The following SMOX variants were observed in gnomAD, a reference collection of about 807,000 sequenced individuals.
The protein encoded by SMOX is spermine oxidase, also known as flavin containing amine oxidase.
SMOX carries 22 observed loss-of-function variants against 51.0 expected under a neutral mutation model. That is an observed-to-expected ratio of 0.43 (90% CI 0.31 to 0.62). The LOEUF is 0.62. Ranked by LOEUF, SMOX falls within the 20% of genes least tolerant of loss-of-function variation. The pLI is 0.10. For synonymous variants in SMOX, 282 were observed against 307.8 expected, an observed-to-expected ratio of 0.92 and a Z score of 0.88; for missense variants, 566 against 777.7, an observed-to-expected ratio of 0.73 and a Z score of 3.24.
intron 1 of SMOX, among the ~76,000 whole-genome samples, chr20:4,154,750 T>G (rs1985923399): frequency 6.6e-6 from 1 of 151,476 alleles, no homozygotes; most frequent in African/African-American, 2.4e-5. Context: ...TAGACTGGAG[T>G]CTTGAGGGAC....
At position 4,183,917 on chromosome 20, in the gene SMOX, G is replaced by A. The variant is rs929724128; in HGVS notation, c.1530+263G>A. Among the ~76,000 whole-genome samples, 2 of 151,974 alleles carry A rather than the reference G, an allele frequency of 1.3e-5. No homozygotes were observed. Among genetic ancestry groups the A allele is most frequent in the Non-Finnish European group, 1.5e-5 (1 of 68,006 alleles). ...TATTCCATGCTGTGCTGGCCAATAC[G>A]GTAGCTATCAGCCACTTTCAATTTA... On this transcript the variant is annotated intron_variant, in intron 6 of 6. Transcript: ENST00000305958. This position sits in a 1 kb window ranked among gnomAD's most constrained non-coding sequence, Gnocchi z 4.3.
At chr20:4,168,881 C>CTTTATTTTATTTTAT (rs1306934284) in intron 1 of SMOX, among the ~76,000 whole-genome samples, 16 of 144,742 alleles carry the variant, frequency 1.1e-4, no homozygotes, top group African/African-American at 3.3e-4. Flanking sequence ...AAAATTAATG[C>CTTTATTTTATTTTAT]TCTATTTTAT....
intron 1 of SMOX, among the ~76,000 whole-genome samples, chr20:4,168,141 G>A (rs1986652370): frequency 6.6e-6 from 1 of 151,856 alleles, no homozygotes; most frequent in Non-Finnish European, 1.5e-5. Context: ...GTGGGGAGGG[G>A]GCATGGGGAA....
rs894647120 is a variant in SMOX at position 4,170,889 on chromosome 20, A to G, written c.-26-4141A>G. ...GTATCTTGGATGAAATTGCCAGGGG[A>G]CCGGGGGGTGCACTCATGCCCTGGC... is the stretch of plus-strand genomic sequence containing the variant. On this transcript the variant is annotated intron_variant, in intron 1 of 6. Transcript: ENST00000305958. The surrounding 1 kb of genome is among the most constrained non-coding windows in gnomAD (Gnocchi z 4.6). Among the ~76,000 whole-genome samples, 26 of 152,090 alleles carry G rather than the reference A, an allele frequency of 1.7e-4. No homozygotes were observed. Among genetic ancestry groups the G allele is most frequent in the African/African-American group, 5.1e-4 (21 of 41,494 alleles).
chr20:4,157,750 A>C (rs544079037), intron 1 of SMOX, among the ~76,000 whole-genome samples: 10 of 151,530 alleles, frequency 6.6e-5, no homozygotes, highest in African/African-American at 2.4e-4. Flanking sequence ...AAGCTGGGGG[A>C]GGGGCCAAGT....
At chr20:4,176,596 G>GA (rs1978874530) in intron 2 of SMOX, among the ~76,000 whole-genome samples, 1 of 152,170 alleles carries the variant, frequency 6.6e-6, no homozygotes, top group Admixed American at 6.5e-5. Context: ...TAGGGATGGG[G>GA]AGGAATGGGA....
intron 1 of SMOX, among the ~76,000 whole-genome samples, chr20:4,158,054 C>G (rs1986109347): frequency 6.7e-6 from 1 of 150,224 alleles, no homozygotes; most frequent in South Asian, 2.1e-4. Flanking sequence ...GCGCCCGCCA[C>G]CACGCCCGGC....
rs886191633 is a variant in SMOX at position 4,187,492 on chromosome 20, C to G, written c.*85C>G. ...GCCGTGTGCTCCTGCCTTCCTGATC[C>G]TCTGTAGAAAGGATTTTTATCTTCT... is the stretch of plus-strand genomic sequence containing the variant. On this transcript the variant is annotated 3_prime_UTR_variant, in exon 7 of 7. Transcript: ENST00000305958. The surrounding 1 kb of genome is among the most constrained non-coding windows in gnomAD (Gnocchi z 4.8). 3.9e-5 allele frequency: 60 copies of G among 1,550,448 alleles called. No homozygotes were observed. In the Admixed American group the frequency reaches 4.1e-4, roughly 11 times the overall value.
chr20:4,167,747 C>G lies in SMOX; in HGVS notation c.-26-7283C>G, dbSNP rs1986629395. ...GCTGCCCCTGCTCTGTTCCCCACAC[C>G]TGTACCCCGATTCTCCCACCGTGGC... On this transcript the variant is annotated intron_variant, in intron 1 of 6. Coordinates refer to ENST00000305958, the MANE Select transcript of SMOX (RefSeq NM_175839.3). The surrounding 1 kb of genome is among the most constrained non-coding windows in gnomAD (Gnocchi z 4.8). Among the ~76,000 whole-genome samples the G allele has an allele frequency of 6.6e-6, 1 of 152,134 alleles. No homozygotes were observed. The highest frequency in any genetic ancestry group is 6.5e-5 in the Admixed American group (1 of 15,278).
intron 1 of SMOX, among the ~76,000 whole-genome samples, chr20:4,157,260 C>T (rs1370059458): frequency 6.6e-6 from 1 of 152,116 alleles, no homozygotes; most frequent in African/African-American, 2.4e-5. Context: ...ACTCTAATAC[C>T]GGTTGGCTGC....
At chr20:4,185,630 C>T (rs544571094) in intron 6 of SMOX, among the ~76,000 whole-genome samples, 8 of 101,956 alleles carry the variant, frequency 7.8e-5, no homozygotes, top group Non-Finnish European at 1.4e-4. Context: ...CAAAAAACAA[C>T]AACCCCTGGC....
At chr20:4,173,288 T>A (rs1978564324) in intron 1 of SMOX, among the ~76,000 whole-genome samples, 1 of 152,220 alleles carries the variant, frequency 6.6e-6, no homozygotes. Flanking sequence ...TGGGTTTGCC[T>A]CTTCCTGAGC....
In SMOX at chr20:4,170,500, T is replaced by G. The variant is rs1267060498; in HGVS notation, c.-26-4530T>G. Among the ~76,000 whole-genome samples the G allele has an allele frequency of 1.3e-5, 2 of 152,084 alleles. No individual in the cohort carries two copies. Among genetic ancestry groups the G allele is most frequent in the Non-Finnish European group, 2.9e-5 (2 of 68,020 alleles). On this transcript the variant is annotated intron_variant, in intron 1 of 6. Transcript: ENST00000305958. This position sits in a 1 kb window ranked among gnomAD's most constrained non-coding sequence, Gnocchi z 4.6. ...TTTTTTTTCTGAGACAGGGTCTCAC[T>G]CTGTTGCCCAGGCTGGAGCACCATG...
In SMOX at chr20:4,182,654, C is replaced by T. The variant is rs942313750; in HGVS notation, c.1175C>T (p.Ala392Val). ...NSLQFVWEDE[A>V]ESHTLTYPPE... is the part of the protein sequence containing the mutation. ...CTACAGTTTGTGTGGGAGGACGAAG[C>T]AGAGAGCCACACCCTCACCTACCCA... The change falls in exon 5 of 7, where the codon GCA (alanine) becomes GTA (valine). Residue 392 changes from alanine (A) to valine (V), a missense_variant. Around this residue, in one of 3 missense-constraint regions of SMOX, gnomAD observed 347 missense variants for 481.8 expected, o/e 0.72. Transcript: ENST00000305958. The surrounding 1 kb of genome is among the most constrained non-coding windows in gnomAD (Gnocchi z 8.4). 8.1e-6 allele frequency: 13 copies of T among 1,613,964 alleles called. No individual in the cohort carries two copies. The highest frequency in any genetic ancestry group is 6.7e-5 in the Admixed American group (4 of 59,998).
intron 1 of SMOX, among the ~76,000 whole-genome samples, chr20:4,168,779 G>C (rs565720575): frequency 6.6e-6 from 1 of 151,234 alleles, no homozygotes; most frequent in African/African-American, 2.4e-5. Flanking sequence ...CTGGTCTTGA[G>C]CTCCTGGCCT....
chr20:4,165,941 ACTAT>A (rs773665792), intron 1 of SMOX, among the ~76,000 whole-genome samples: 14 of 152,202 alleles, frequency 9.2e-5, no homozygotes, highest in Admixed American at 2.0e-4. Context: ...CTGAGAGGTG[ACTAT>A]CTATCTGGCA....
intron 1 of SMOX, among the ~76,000 whole-genome samples, chr20:4,152,370 A>G (rs1257761217): frequency 6.6e-6 from 1 of 151,492 alleles, no homozygotes; most frequent in Non-Finnish European, 1.5e-5. Context: ...CTATCTCTAG[A>G]CTCTTGCCTT....
chr20:4,152,098 C>T (rs566216008), intron 1 of SMOX, among the ~76,000 whole-genome samples: 2 of 152,136 alleles, frequency 1.3e-5, no homozygotes, highest in African/African-American at 2.4e-5. Flanking sequence ...AGAAGGTATG[C>T]GTGGCTGGAG....
At chr20:4,168,145 T>TG (rs1159822004) in intron 1 of SMOX, among the ~76,000 whole-genome samples, 2 of 150,614 alleles carry the variant, frequency 1.3e-5, no homozygotes, top group Admixed American at 6.6e-5. Context: ...GGAGGGGGCA[T>TG]GGGGAACTGA....
Sources: allele counts gnomAD v4.1 joint callset (sites outside exome capture counted in the v4.1 genomes callset), GRCh38; gene constraint gnomAD v4.1.1; regional missense constraint gnomAD v4.1.1; non-coding constraint Gnocchi (gnomAD v3.1); transcripts MANE v1.5; gene names NCBI Gene and HGNC (gene_info 2026-07-23, HGNC 2026-07-21).